The following TMC5 variants were observed in gnomAD, a reference collection of about 807,000 sequenced individuals.
TMC5 encodes the protein transmembrane channel-like protein 5.
TMC5 carries 86 observed loss-of-function variants against 110.5 expected under a neutral mutation model. The ratio of observed to expected loss-of-function variants is 0.78; its 90% CI spans 0.65 to 0.93. The LOEUF is 0.93. Ranked by LOEUF, TMC5 falls within the 40% of genes least tolerant of loss-of-function variation. TMC5 has a pLI of 0.00. For synonymous variants in TMC5, 455 were observed against 439.5 expected (o/e 1.04, Z -0.44); for missense variants, 1,144 against 1,222.8 (o/e 0.94, Z 0.96).
intron 2 of TMC5, among the ~76,000 whole-genome samples, chr16:19,437,331 A>G (rs1240137038): frequency 6.6e-6 from 1 of 152,220 alleles, no homozygotes. Flanking sequence ...GGAAGAAAAT[A>G]ATTCTGATGG....
intron 9 of TMC5, 86 bp from the exon 10 acceptor site, chr16:19,469,592 TTAA>T: frequency 6.5e-7 from 1 of 1,530,488 alleles, no homozygotes; most frequent in Non-Finnish European, 9.0e-7. Flanking sequence ...CCTTTCACCA[TTAA>T]TAATAGGGCT....
chr16:19,466,526 A>C (rs944985779), intron 9 of TMC5, among the ~76,000 whole-genome samples: 1 of 152,030 alleles, frequency 6.6e-6, no homozygotes, highest in Non-Finnish European at 1.5e-5. Context: ...TAATGTTTGT[A>C]TTTTTAATAG....
At position 19,456,971 on chromosome 16, in the gene TMC5, T is replaced by C. The variant is rs374046415; in HGVS notation, c.1049-3264T>C. On this transcript the variant is annotated intron_variant, in intron 5 of 21. Transcript: ENST00000542583. ...GTCTCAGACCCTTCATAGCCTAGAA[T>C]GCATGGGCATAGACACTCCTGGTTC... 401 of 1,614,004 alleles carry C rather than the reference T, an allele frequency of 2.5e-4. 1 individual carries two copies. Among genetic ancestry groups the C allele is most frequent in the Non-Finnish European group, 3.3e-4 (386 of 1,180,042 alleles).
At chr16:19,432,674 T>C (rs748650931) in intron 2 of TMC5, among the ~76,000 whole-genome samples, 4 of 152,236 alleles carry the variant, frequency 2.6e-5, no homozygotes, top group Non-Finnish European at 5.9e-5. Flanking sequence ...TTTGTTGCAG[T>C]GCAGGTGGTA....
Position 19,438,620 on chromosome 16 carries a change from G to A in TMC5, c.-79-1340G>A, listed in dbSNP as rs200904372. On this transcript the variant is annotated intron_variant, in intron 2 of 21. Coordinates refer to ENST00000542583, the MANE Select transcript of TMC5 (RefSeq NM_001261841.2). ...AAATTAGCTGGACATGATGGTGCAC[G>A]CCTGTAATCCCAGCTACTCAGGAGG... Among the ~76,000 whole-genome samples, 8 of 152,004 alleles carry A rather than the reference G, an allele frequency of 5.3e-5. No homozygotes were observed. In the East Asian group the frequency reaches 1.2e-3, roughly 22 times the overall value.
chr16:19,465,997 C>T (rs1440555251), intron 8 of TMC5, 85 bp from the exon 9 acceptor site: 4 of 1,455,564 alleles, frequency 2.7e-6, no homozygotes, highest in Non-Finnish European at 3.7e-6. Flanking sequence ...TTCTTGTATT[C>T]AGGAGAGGTC....
chr16:19,464,701 TTTTC>T (rs1294003838), intron 8 of TMC5, among the ~76,000 whole-genome samples: 1 of 152,162 alleles, frequency 6.6e-6, no homozygotes, highest in African/African-American at 2.4e-5. Context: ...TAGATCTATG[TTTTC>T]TTTCTTTTTA....
chr16:19,418,111 AAGG>A lies in TMC5; in HGVS notation c.-308+23_-308+25del, dbSNP rs1966898308. 1 of 152,132 alleles carries A rather than the reference AAGG, an allele frequency of 6.6e-6. No individual in the cohort carries two copies. The highest frequency in any genetic ancestry group is 2.4e-5 in the African/African-American group (1 of 41,416). 9.4% of individuals were successfully genotyped at this position (152,132 alleles called of 1,614,324 possible). On this transcript the variant is annotated intron_variant, in intron 1 of 21. Transcript: ENST00000542583. ...AGGGCAGGTAAGTGAAAGTGCTTTG[AAGG>A]AGGGGTGGGAGGTCATGGGAATAAT...
intron 9 of TMC5, 41 bp downstream of exon 9, chr16:19,466,274 T>G (rs749481609): frequency 1.2e-6 from 2 of 1,604,566 alleles, no homozygotes; most frequent in Non-Finnish European, 8.5e-7. Context: ...AGGGTCATGT[T>G]AGATTTCAGC....
rs766248822 is a variant in TMC5, at chr16:19,440,654, G to T, written c.616G>T (p.Asp206Tyr). The change falls in exon 3 of 22, where the codon GAT becomes TAT. Residue 206 changes from aspartate (D) to tyrosine (Y), a missense_variant. By Grantham distance (160) the Asp-to-Tyr change is radical (BLOSUM62 -3). Transcript: ENST00000542583. The stretch of plus-strand genomic sequence containing the variant: ...ATACGCAGACTCTCTGGGAAAGCCT[G>T]ATTATCCAGGCGCTGACATTCAACC... The part of the protein sequence containing the change: ...NPYADSLGKP[D>Y]YPGADIQPNS... 1.7e-5 allele frequency: 28 copies of T among 1,614,082 alleles called. No homozygotes were observed. Among genetic ancestry groups the T allele is most frequent in the Non-Finnish European group, 2.3e-5 (27 of 1,180,040 alleles).
At chr16:19,453,351 G>C (rs1402855299) in intron 5 of TMC5, among the ~76,000 whole-genome samples, 2 of 152,040 alleles carry the variant, frequency 1.3e-5, no homozygotes, top group Non-Finnish European at 2.9e-5. Flanking sequence ...CACTTTGGGA[G>C]GCCTAGGCGG....
In TMC5 at chr16:19,440,302, C is replaced by A. The variant is rs1967454543; in HGVS notation, c.264C>A (p.Ser88Arg). 1 of 1,614,154 alleles carries A rather than the reference C, an allele frequency of 6.2e-7. No individual in the cohort carries two copies. ...LSNPDYSGTR[S>R]NAYSAASRTS... ...ATCCAGACTATTCTGGCACCAGAAG[C>A]AATGCATACTCTGCAGCCTCTAGAA... The change falls in exon 3 of 22, where the codon AGC (serine) becomes AGA (arginine). Residue 88 changes from serine (S) to arginine (R), a missense_variant. By Grantham distance (110) the Ser-to-Arg change is moderately radical. Coordinates refer to ENST00000542583, the MANE Select transcript of TMC5 (RefSeq NM_001261841.2).
At position 19,438,408 on chromosome 16, in the gene TMC5, AGAAG is replaced by A. The variant is rs150231866; in HGVS notation, c.-79-1551_-79-1548del. On this transcript the variant is annotated intron_variant, in intron 2 of 21. Transcript: ENST00000542583. ...ACCCTGTCAAAAAAAAAAAAAAAAA[AGAAG>A]AAAGAAAAGAAAAAGAAAGAAAGAG... Among the ~76,000 whole-genome samples, 183 of 129,428 alleles carry A rather than the reference AGAAG, an allele frequency of 1.4e-3. 3 individuals are homozygous for A. Among genetic ancestry groups the A allele is most frequent in the Admixed American group, 3.5e-3 (45 of 13,036 alleles). The allele number at this position is 129,428 out of a possible 152,430, so 84.9% of individuals were successfully genotyped here. A position where few individuals can be genotyped will look rare whatever the true frequency, so the allele number is the denominator to read the frequency against.
chr16:19,436,289 GGAAAAA>G (rs1375349531), intron 2 of TMC5, among the ~76,000 whole-genome samples: 13 of 57,186 alleles, frequency 2.3e-4, no homozygotes, highest in African/African-American at 8.2e-4. Flanking sequence ...AAAAAAGAAA[GGAAAAA>G]GAAAAAGAAA....
At position 19,437,011 on chromosome 16, in the gene TMC5, A is replaced by G. The variant is rs190381046; in HGVS notation, c.-79-2949A>G. Among the ~76,000 whole-genome samples the G allele has an allele frequency of 1.1e-3, 164 of 152,202 alleles. 2 individuals carry two copies. Among genetic ancestry groups the G allele is most frequent in the Middle Eastern group, 3.4e-3 (1 of 294 alleles). ...GGCAACATAGAGAAACCCTGTCTCT[A>G]TAAAAATACAAAAATTAACCAGGCA... On this transcript the variant is annotated intron_variant, in intron 2 of 21. Transcript: ENST00000542583.
intron 15 of TMC5, among the ~76,000 whole-genome samples, chr16:19,482,812 C>A (rs781261197): frequency 2.0e-5 from 3 of 152,128 alleles, no homozygotes; most frequent in Non-Finnish European, 4.4e-5. Flanking sequence ...ACAAACTCAC[C>A]TAGACACTGC....
chr16:19,419,595 G>C (rs1302213355), intron 1 of TMC5, among the ~76,000 whole-genome samples: 1 of 151,494 alleles, frequency 6.6e-6, no homozygotes, highest in African/African-American at 2.4e-5. Context: ...TGTATTTTTA[G>C]GAGAGACGGG....
Position 19,469,746 on chromosome 16 carries a change from T to C in TMC5, c.1703T>C (p.Leu568Pro). Residue 568 changes from leucine (L) to proline (P), a missense_variant, in exon 10 of 22, where the codon CTG (leucine) becomes CCG (proline). Physicochemically the swap from Leu to Pro is moderately conservative, Grantham distance 98. Coordinates refer to ENST00000542583, the MANE Select transcript of TMC5 (RefSeq NM_001261841.2). ...ATTTACTCCGGAGGGATCACCAAGC[T>C]GATCTTTTGCTGGGACTTCACTGTC... ...PHIYSGGITK[L>P]IFCWDFTVTH... The C allele has an allele frequency of 6.2e-7, 1 of 1,614,192 alleles. No individual in the cohort carries two copies. The highest frequency in any genetic ancestry group is 2.2e-5 in the East Asian group (1 of 44,888).
At chr16:19,455,626 A>G (rs1404893871) in intron 5 of TMC5, among the ~76,000 whole-genome samples, 1 of 152,038 alleles carries the variant, frequency 6.6e-6, no homozygotes, top group African/African-American at 2.4e-5. Flanking sequence ...TGAAGGGCAA[A>G]TTGTGAACCC....
Sources: gnomAD v4.1 joint callset for allele counts (sites outside exome capture counted in the v4.1 genomes callset) on GRCh38, gnomAD v4.1.1 for gene constraint, MANE v1.5 for transcripts, NCBI Gene and HGNC (gene_info 2026-07-23, HGNC 2026-07-21) for gene names.